Variants in YLPM1 observed in about 807,000 individuals in gnomAD.
The protein encoded by YLPM1 is YLP motif containing 1, also known as YLP motif-containing protein 1.
Under a neutral mutation model 230.0 loss-of-function variants are expected in YLPM1, and 99 were observed. The observed-to-expected ratio is 0.43, with a 90% CI of 0.37 to 0.51. The LOEUF (loss-of-function observed/expected upper bound fraction) is 0.51. YLPM1 is among the 20% of genes least tolerant of loss of function. The pLI, the probability that YLPM1 is intolerant of heterozygous loss-of-function variation, is 0.00. For missense variants in YLPM1, 2,592 were observed against 2,707.7 expected (o/e 0.96, Z 0.95); for synonymous variants, 984 against 942.5 (o/e 1.04, Z -0.81).
chr14:74,785,281 T>G (rs762943423), intron 4 of YLPM1, among the ~76,000 whole-genome samples: 2 of 152,238 alleles, frequency 1.3e-5, no homozygotes, highest in Non-Finnish European at 2.9e-5. Context: ...TATATTGTTT[T>G]AGGTATGTGA....
intron 4 of YLPM1, among the ~76,000 whole-genome samples, chr14:74,783,061 A>G (rs1484774495): frequency 1.3e-5 from 2 of 152,208 alleles, no homozygotes; most frequent in South Asian, 2.1e-4. Context: ...TAACTTTTCT[A>G]TGGAAATTAT....
chr14:74,811,599 G>T, intron 9 of YLPM1, 21 bp from the exon 10 acceptor site: 1 of 1,562,612 alleles, frequency 6.4e-7, no homozygotes, highest in African/African-American at 1.4e-5. Flanking sequence ...TTGCTGAAGC[G>T]CTTCCTATTA....
intron 4 of YLPM1, among the ~76,000 whole-genome samples, chr14:74,786,160 G>GAGACCAGCCTGGTCAA: frequency 6.6e-6 from 1 of 151,904 alleles, no homozygotes; most frequent in South Asian, 2.1e-4. Flanking sequence ...TTAAGAGTTC[G>GAGACCAGCCTGGTCAA]AGACCAGCCT....
intron 4 of YLPM1, among the ~76,000 whole-genome samples, chr14:74,793,680 G>T (rs1413922474): frequency 5.3e-5 from 8 of 152,150 alleles, no homozygotes; most frequent in Admixed American, 5.2e-4. Context: ...GGAAGACACT[G>T]ACAAACTGAT....
chr14:74,811,168 A>G (rs2091430724), intron 9 of YLPM1, among the ~76,000 whole-genome samples: 1 of 152,294 alleles, frequency 6.6e-6, no homozygotes, highest in African/African-American at 2.4e-5. Context: ...AAGTAAATCT[A>G]AATGAAAAAG....
intron 18 of YLPM1, among the ~76,000 whole-genome samples, chr14:74,826,408 G>A (rs2091562906): frequency 6.6e-6 from 1 of 152,096 alleles, no homozygotes. Flanking sequence ...ATTTTTCTGA[G>A]TACTTTACCA....
intron 4 of YLPM1, among the ~76,000 whole-genome samples, chr14:74,783,538 G>A (rs1376284263): frequency 1.3e-5 from 2 of 152,134 alleles, no homozygotes; most frequent in African/African-American, 4.8e-5. Context: ...AAAAATATAT[G>A]TTGCAGAAAT....
Position 74,812,760 on chromosome 14 carries a change from G to C in YLPM1, c.5480G>C (p.Gly1827Ala). 6 of 1,613,514 alleles carry C rather than the reference G, an allele frequency of 3.7e-6. No homozygotes were observed. Among genetic ancestry groups the C allele is most frequent in the Non-Finnish European group, 5.1e-6 (6 of 1,179,702 alleles). ...GTGGACGATATTTTGAAACCACCGG[G>C]CCGGGAGAGCAGACCTGAGAGAGTG... ...KNVDDILKPP[G>A]RESRPERIVV... Residue 1827 changes from glycine to alanine, a missense_variant, in exon 11 of 21, where the codon GGC becomes GCC. Physicochemically the swap from Gly to Ala is moderately conservative, Grantham distance 60. Around this residue, in one of 4 missense-constraint regions of YLPM1, gnomAD observed 315 missense variants for 429.3 expected, o/e 0.73. Coordinates refer to ENST00000325680, the MANE Select transcript of YLPM1 (RefSeq NM_019589.3).
intron 4 of YLPM1, among the ~76,000 whole-genome samples, chr14:74,797,239 T>C (rs1056613834): frequency 2.0e-5 from 3 of 149,014 alleles, no homozygotes; most frequent in African/African-American, 4.9e-5. Flanking sequence ...GATCTGCCCA[T>C]CTCTGCCTCC....
chr14:74,835,070 C>T lies in YLPM1; in HGVS notation c.6295-195C>T, dbSNP rs544471029. ...TGTTCAGGAGCTGGAATGGTTAGGA[C>T]TTGGATTGTCCAGAGAGTTTTCTCT... On this transcript the variant is annotated intron_variant, in intron 19 of 20. Transcript: ENST00000325680. The T allele has an allele frequency of 2.2e-4, 138 of 620,622 alleles. 1 individual carries two copies. The South Asian group carries it at 3.1e-3, about 14-fold the overall frequency. The allele number at this position is 620,622 out of a possible 1,614,324, so 38.4% of individuals were successfully genotyped here. A position where few individuals can be genotyped will look rare whatever the true frequency, so the allele number is the denominator to read the frequency against.
At chr14:74,765,603 G>A (rs34752362) in intron 1 of YLPM1, among the ~76,000 whole-genome samples, 51,861 of 152,054 alleles carry the variant, frequency 0.34, 10,658 homozygotes, top group East Asian at 0.54. Flanking sequence ...ACCCCACTCT[G>A]AAGTCTTTAG....
intron 17 of YLPM1, among the ~76,000 whole-genome samples, chr14:74,822,694 A>C (rs965379755): frequency 7.2e-5 from 11 of 152,188 alleles, no homozygotes; most frequent in African/African-American, 2.7e-4. Flanking sequence ...TCCAAGAGTA[A>C]AAGATTCTTG....
At chr14:74,820,434 G>T (rs953342623) in intron 16 of YLPM1, among the ~76,000 whole-genome samples, 1 of 152,012 alleles carries the variant, frequency 6.6e-6, no homozygotes, top group Non-Finnish European at 1.5e-5. Flanking sequence ...TTTTTTTAGA[G>T]ATGGGGTCTC....
Position 74,782,009 on chromosome 14 carries a change from A to G in YLPM1, c.1966A>G (p.Ser656Gly), listed in dbSNP as rs184803682. The G allele has an allele frequency of 4.4e-4, 710 of 1,613,880 alleles. No homozygotes were observed. The highest frequency in any genetic ancestry group is 5.5e-4 in the Non-Finnish European group (647 of 1,179,834). Residue 656 changes from serine to glycine, a missense_variant, in exon 4 of 21, where the codon AGT becomes GGT. Physicochemically the swap from Ser to Gly is moderately conservative, Grantham distance 56 (BLOSUM62 0). Around this residue, in one of 4 missense-constraint regions of YLPM1, gnomAD observed 1,862 missense variants for 1,819.8 expected, o/e 1.02. Transcript: ENST00000325680. ...LTAAPVPPAS[S>G]SQSSQVPEKP... ...AGCAGCCCCAGTTCCACCAGCCTCC[A>G]GTTCACAGAGCTCGCAAGTTCCAGA...
Position 74,763,591 on chromosome 14 carries a change from CG to C in YLPM1, c.105del (p.Tyr36ThrfsTer16). 1.3e-6 allele frequency: 2 copies of C among 1,588,990 alleles called. No individual in the cohort carries two copies. Among genetic ancestry groups the C allele is most frequent in the African/African-American group, 1.4e-5 (1 of 72,902 alleles). On this transcript the variant is annotated frameshift_variant, in exon 1 of 21. Coordinates refer to ENST00000325680, the MANE Select transcript of YLPM1 (RefSeq NM_019589.3). LOFTEE classifies it high-confidence loss of function. ...VALPEASPGP[G>X]YSSSTTPAAP... is the part of the protein sequence containing the mutation. ...CGCTTCCTGAGGCCTCGCCGGGGCC[CG>C]GGTACTCGAGCTCGACGACTCCCGC...
chr14:74,805,269 C>T (rs544571955), intron 6 of YLPM1, among the ~76,000 whole-genome samples: 10 of 152,220 alleles, frequency 6.6e-5, no homozygotes, highest in South Asian at 2.1e-4. Flanking sequence ...GATCCACCTG[C>T]CTCAGCCTCC....
chr14:74,809,515 C>T lies in YLPM1; in HGVS notation c.4657C>T (p.Pro1553Ser), dbSNP rs571904406. The change falls in exon 7 of 21, where the codon CCA becomes TCA. Residue 1553 changes from proline (P) to serine (S), a missense_variant. Physicochemically the swap from Pro to Ser is moderately conservative, Grantham distance 74 (BLOSUM62 -1). Coordinates refer to ENST00000325680, the MANE Select transcript of YLPM1 (RefSeq NM_019589.3). ...CCCAATACCACCACCTCCACCTCCTCCACCTCTACCTCCTCCTCCTCCAGT... is the reference window on the plus strand; with the variant it reads ...CCCAATACCACCACCTCCACCTCCTTCACCTCTACCTCCTCCTCCTCCAGT... ...PVPIPPPPPP[P>S]PLPPPPPVIK... 2.9e-5 allele frequency: 46 copies of T among 1,586,768 alleles called. No individual in the cohort carries two copies. The highest frequency in any genetic ancestry group is 1.7e-4 in the Middle Eastern group (1 of 6,038).
intron 4 of YLPM1, among the ~76,000 whole-genome samples, chr14:74,788,999 A>G (rs975156799): frequency 6.6e-6 from 1 of 152,200 alleles, no homozygotes; most frequent in African/African-American, 2.4e-5. Flanking sequence ...ATAACTATCC[A>G]GTTCACCCCA....
At chr14:74,769,566 T>TC (rs751907915) in intron 1 of YLPM1, among the ~76,000 whole-genome samples, 1 of 150,950 alleles carries the variant, frequency 6.6e-6, no homozygotes. Flanking sequence ...GGGTTACAGG[T>TC]GTGAGTCAGA....
Sources: allele counts gnomAD v4.1 joint callset (sites outside exome capture counted in the v4.1 genomes callset), GRCh38; gene constraint gnomAD v4.1.1; regional missense constraint gnomAD v4.1.1; transcripts MANE v1.5; gene names NCBI Gene and HGNC (gene_info 2026-07-23, HGNC 2026-07-21).